The following RAB3C variants were observed in gnomAD, a reference collection of about 807,000 sequenced individuals.
RAB3C encodes ras-related protein Rab-3C.
RAB3C carries 17 observed loss-of-function variants against 26.4 expected under a neutral mutation model. The observed-to-expected ratio is 0.64, with a 90% CI of 0.44 to 0.97. The LOEUF (loss-of-function observed/expected upper bound fraction) is 0.97. Ranked by LOEUF, RAB3C falls within the 50% of genes least tolerant of loss-of-function variation. The pLI is 0.00. For synonymous variants in RAB3C, 91 were observed against 95.9 expected (o/e 0.95, Z 0.30); for missense variants, 242 against 281.9 (o/e 0.86, Z 1.01).
chr5:58,589,044 T>C (rs1056027462), intron 1 of RAB3C, among the ~76,000 whole-genome samples: 3 of 152,146 alleles, frequency 2.0e-5, no homozygotes, highest in African/African-American at 7.2e-5. Context: ...TGTAGGGTTT[T>C]GTTACTATGT....
At chr5:58,689,123 T>C (rs752679959) in intron 2 of RAB3C, 3 of 152,114 alleles carry the variant, frequency 2.0e-5, no homozygotes, top group Non-Finnish European at 4.4e-5. Flanking sequence ...GAGATAGAAG[T>C]AACTTTTCAC....
intron 1 of RAB3C, among the ~76,000 whole-genome samples, chr5:58,605,550 A>G (rs1746542438): frequency 6.6e-6 from 1 of 152,156 alleles, no homozygotes; most frequent in Admixed American, 6.5e-5. Flanking sequence ...GCAGATAAAG[A>G]ATATCACAAC....
chr5:58,802,544 G>T (rs7727392), intron 3 of RAB3C, among the ~76,000 whole-genome samples: 2,007 of 152,298 alleles, frequency 0.013, 42 homozygotes, highest in African/African-American at 0.045. Context: ...AGTTGCAACC[G>T]TTCTTAGAAG....
At chr5:58,837,557 CTTT>C (rs36020735) in intron 4 of RAB3C, among the ~76,000 whole-genome samples, 4 of 118,848 alleles carry the variant, frequency 3.4e-5, no homozygotes, top group Admixed American at 9.1e-5. Flanking sequence ...TTCAGTCTCT[CTTT>C]TTTTTTTTTT....
intron 1 of RAB3C, among the ~76,000 whole-genome samples, chr5:58,605,623 C>T (rs759273444): frequency 3.9e-5 from 6 of 152,084 alleles, no homozygotes; most frequent in African/African-American, 1.2e-4. Flanking sequence ...ACTGGCTGGG[C>T]GCGGTGGCTC....
intron 3 of RAB3C, among the ~76,000 whole-genome samples, chr5:58,781,037 C>G (rs1456026281): frequency 6.6e-6 from 1 of 151,902 alleles, no homozygotes; most frequent in Non-Finnish European, 1.5e-5. Flanking sequence ...TTTGTTTTTC[C>G]TGAATTAGAC....
intron 3 of RAB3C, among the ~76,000 whole-genome samples, chr5:58,736,327 A>T (rs1442094729): frequency 6.6e-6 from 1 of 152,220 alleles, no homozygotes; most frequent in Non-Finnish European, 1.5e-5. Context: ...TGCTAATGAT[A>T]CATGCAATGT....
At chr5:58,716,801 T>TAAA in intron 2 of RAB3C, among the ~76,000 whole-genome samples, 1 of 127,480 alleles carries the variant, frequency 7.8e-6, no homozygotes, top group Non-Finnish European at 1.7e-5. Context: ...GTTCTCTTAT[T>TAAA]AAAAAAAAAA....
chr5:58,636,007 A>C lies in RAB3C; in HGVS notation c.252+18137A>C, dbSNP rs16888337. ...AATGCTGTCAAATTAGGAAAGTTAA[A>C]GAACGGGCCAAAGAGAATATAGTAT... On this transcript the variant is annotated intron_variant, in intron 2 of 4. Transcript: ENST00000282878. Among the ~76,000 whole-genome samples the C allele has an allele frequency of 9.5e-3, 1,453 of 152,354 alleles. 29 individuals are homozygous for C. The highest frequency in any genetic ancestry group is 0.033 in the African/African-American group (1,356 of 41,564).
chr5:58,845,618 G>A (rs1293785859), intron 4 of RAB3C, among the ~76,000 whole-genome samples: 3 of 42,480 alleles, frequency 7.1e-5, no homozygotes, highest in Non-Finnish European at 1.1e-4. Flanking sequence ...ATATATGTGT[G>A]TGTGTGTGTG....
intron 2 of RAB3C, among the ~76,000 whole-genome samples, chr5:58,707,108 T>A (rs1748959596): frequency 6.6e-6 from 1 of 152,222 alleles, no homozygotes; most frequent in Non-Finnish European, 1.5e-5. Flanking sequence ...ATAGCAGTAA[T>A]CTTATTTCCA....
chr5:58,706,545 A>G (rs915587643), intron 2 of RAB3C, among the ~76,000 whole-genome samples: 2 of 152,154 alleles, frequency 1.3e-5, no homozygotes, highest in African/African-American at 4.8e-5. Context: ...AGTATCTCTA[A>G]CATTCGAGCT....
rs1359958605 is a variant in RAB3C at position 58,854,344 on chromosome 5, C to A, written c.*2993C>A. 1 of 152,142 alleles carries A rather than the reference C, an allele frequency of 6.6e-6. No individual in the cohort carries two copies. Among genetic ancestry groups the A allele is most frequent in the Non-Finnish European group, 1.5e-5 (1 of 68,000 alleles). 9.4% of individuals were successfully genotyped at this position (152,142 alleles called of 1,614,324 possible). On this transcript the variant is annotated 3_prime_UTR_variant, in exon 5 of 5. Transcript: ENST00000282878. Reference sequence around the variant, plus strand: ...AAACCTGAACTGTTCCAAATCGATTCTTCCAAGAGCTTTGGTGTTGGTACC... The same window carrying A: ...AAACCTGAACTGTTCCAAATCGATTATTCCAAGAGCTTTGGTGTTGGTACC...
chr5:58,620,082 A>G (rs77404089), intron 2 of RAB3C, among the ~76,000 whole-genome samples: 1 of 147,130 alleles, frequency 6.8e-6, no homozygotes, highest in African/African-American at 2.5e-5. Context: ...GTTTCTTATT[A>G]AAAAAAAAAC....
At chr5:58,712,700 T>C (rs1350119049) in intron 2 of RAB3C, among the ~76,000 whole-genome samples, 1 of 152,168 alleles carries the variant, frequency 6.6e-6, no homozygotes, top group Non-Finnish European at 1.5e-5. Flanking sequence ...AATTTTTGTA[T>C]TTTTAGTAGA....
intron 2 of RAB3C, among the ~76,000 whole-genome samples, chr5:58,636,551 A>G (rs538191297): frequency 6.6e-6 from 1 of 152,198 alleles, no homozygotes; most frequent in African/African-American, 2.4e-5. Context: ...TTGACTCCCT[A>G]TATCCCAGTC....
chr5:58,829,876 T>C (rs1743574744), intron 4 of RAB3C, among the ~76,000 whole-genome samples: 1 of 152,210 alleles, frequency 6.6e-6, no homozygotes, highest in Admixed American at 6.5e-5. Context: ...TTCCCTTCTT[T>C]TCCCATTTAA....
chr5:58,699,050 CCA>C (rs1389791137), intron 2 of RAB3C, among the ~76,000 whole-genome samples: 2 of 152,174 alleles, frequency 1.3e-5, no homozygotes, highest in African/African-American at 4.8e-5. Context: ...TGGTTTTTCC[CCA>C]TCTTTGTGGT....
At chr5:58,799,565 C>T (rs1287006138) in intron 3 of RAB3C, among the ~76,000 whole-genome samples, 8 of 152,088 alleles carry the variant, frequency 5.3e-5, no homozygotes, top group East Asian at 1.9e-4. Flanking sequence ...TTAAAATGTA[C>T]GCCATTCATT....
Sources: allele counts gnomAD v4.1 joint callset (sites outside exome capture counted in the v4.1 genomes callset), GRCh38; gene constraint gnomAD v4.1.1; transcripts MANE v1.5; gene names NCBI Gene and HGNC (gene_info 2026-07-23, HGNC 2026-07-21).